PDE4D: variants seen among roughly 807,000 people sequenced by gnomAD.
The protein encoded by PDE4D is phosphodiesterase 4D.
PDE4D carries 24 observed loss-of-function variants against 87.4 expected under a neutral mutation model. That is an observed-to-expected ratio of 0.27 (90% CI 0.20 to 0.39). The LOEUF is 0.39. PDE4D is among the 10% of genes least tolerant of loss of function. PDE4D has a pLI of 1.00. For synonymous variants in PDE4D, 384 were observed against 383.2 expected, an observed-to-expected ratio of 1.00 and a Z score of -0.02; for missense variants, 714 against 1,041.0, an observed-to-expected ratio of 0.69 and a Z score of 4.32.
intron 1 of PDE4D, among the ~76,000 whole-genome samples, chr5:59,708,133 T>C (rs997684470): frequency 6.6e-6 from 1 of 152,180 alleles, no homozygotes; most frequent in Non-Finnish European, 1.5e-5. Flanking sequence ...GTTTCTTGAC[T>C]ATTTAATAAT....
intron 1 of PDE4D, among the ~76,000 whole-genome samples, chr5:59,270,510 C>A (rs1049716854): frequency 2.0e-5 from 3 of 152,048 alleles, no homozygotes; most frequent in Non-Finnish European, 4.4e-5. Context: ...GAGGCATTGG[C>A]CTTTTGTTCT....
intron 1 of PDE4D, among the ~76,000 whole-genome samples, chr5:60,463,643 A>G (rs1333567546): frequency 6.6e-6 from 1 of 152,226 alleles, no homozygotes. Context: ...AGAGCAGTAC[A>G]GGCTGAATTC....
Position 59,085,542 on chromosome 5 carries a change from A to G in PDE4D, c.809-46571T>C, listed in dbSNP as rs78176320. The stretch of plus-strand genomic sequence containing the variant: ...ATCCAGGTTGTTCATGGAATTTATC[A>G]TGCAAACAACTACCCTCTTGAGAGA... On this transcript the variant is annotated intron_variant, in intron 5 of 14. Transcript: ENST00000340635. 1.0e-2 allele frequency among the ~76,000 whole-genome samples: 1,520 copies of G among 152,306 alleles called. 32 individuals carry two copies. Among genetic ancestry groups the G allele is most frequent in the African/African-American group, 0.035 (1,443 of 41,558 alleles).
chr5:59,727,315 G>T (rs1006283990), intron 1 of PDE4D, among the ~76,000 whole-genome samples: 1 of 152,112 alleles, frequency 6.6e-6, no homozygotes, highest in African/African-American at 2.4e-5. Flanking sequence ...AATGAAAATA[G>T]ACAGTTGGTT....
intron 2 of PDE4D, among the ~76,000 whole-genome samples, chr5:60,134,476 G>C (rs534703276): frequency 6.6e-6 from 1 of 152,180 alleles, no homozygotes; most frequent in African/African-American, 2.4e-5. Flanking sequence ...CTACAGTCCA[G>C]CCTGGGTGAT....
At chr5:59,000,814 G>T (rs1292387180) in intron 6 of PDE4D, among the ~76,000 whole-genome samples, 1 of 151,856 alleles carries the variant, frequency 6.6e-6, no homozygotes, top group Non-Finnish European at 1.5e-5. Flanking sequence ...TCAGCCTCCC[G>T]AGAAGCTGGG....
intron 5 of PDE4D, among the ~76,000 whole-genome samples, chr5:59,155,793 C>T (rs1488349425): frequency 6.6e-6 from 1 of 152,038 alleles, no homozygotes; most frequent in Non-Finnish European, 1.5e-5. Context: ...AGAAGGGAAA[C>T]GTCATCCGCT....
chr5:59,187,743 C>T (rs1743248882), intron 3 of PDE4D, among the ~76,000 whole-genome samples: 1 of 151,940 alleles, frequency 6.6e-6, no homozygotes. Flanking sequence ...CTAGGCATGC[C>T]AGTATTAGAT....
At chr5:60,197,118 T>TAGAC (rs1554183848) in intron 1 of PDE4D, among the ~76,000 whole-genome samples, 29 of 150,256 alleles carry the variant, frequency 1.9e-4, no homozygotes, top group African/African-American at 7.1e-4. Context: ...GATAGATAGA[T>TAGAC]AGATAGATTA....
At chr5:59,007,234 A>G (rs1751805320) in intron 6 of PDE4D, among the ~76,000 whole-genome samples, 1 of 152,202 alleles carries the variant, frequency 6.6e-6, no homozygotes, top group South Asian at 2.1e-4. Flanking sequence ...ATTTTATCCT[A>G]TAATCAATCT....
intron 1 of PDE4D, among the ~76,000 whole-genome samples, chr5:59,467,191 C>G (rs1376562595): frequency 6.6e-6 from 1 of 152,178 alleles, no homozygotes; most frequent in Non-Finnish European, 1.5e-5. Context: ...AAATCAATTC[C>G]TACTATTTAC....
chr5:59,832,394 G>A (rs138506565), intron 1 of PDE4D, among the ~76,000 whole-genome samples: 22 of 152,160 alleles, frequency 1.4e-4, no homozygotes, highest in Non-Finnish European at 3.1e-4. Context: ...TGGAAAATGA[G>A]TCGTGATCAA....
chr5:59,900,817 A>G (rs1413351115), intron 3 of PDE4D, among the ~76,000 whole-genome samples: 1 of 152,198 alleles, frequency 6.6e-6, no homozygotes, highest in Admixed American at 6.5e-5. Context: ...ATCATGAAAG[A>G]GCTTGTCACT....
At chr5:59,228,438 A>AC in intron 1 of PDE4D, among the ~76,000 whole-genome samples, 1 of 116,022 alleles carries the variant, frequency 8.6e-6, no homozygotes, top group East Asian at 2.2e-4. Flanking sequence ...AACAACAACA[A>AC]CAAAAAAAAA....
intron 1 of PDE4D, among the ~76,000 whole-genome samples, chr5:59,676,524 C>T (rs1347605572): frequency 6.6e-6 from 1 of 152,120 alleles, no homozygotes; most frequent in African/African-American, 2.4e-5. Context: ...CAACAGAGAG[C>T]TTCTAAAAGC....
chr5:59,329,041 A>C (rs913203420), intron 1 of PDE4D, among the ~76,000 whole-genome samples: 4 of 152,276 alleles, frequency 2.6e-5, no homozygotes, highest in African/African-American at 9.6e-5. Flanking sequence ...CACCGACTGC[A>C]TCCTCCTTGC....
At chr5:59,131,140 G>C (rs1289810170) in intron 5 of PDE4D, among the ~76,000 whole-genome samples, 2 of 152,160 alleles carry the variant, frequency 1.3e-5, no homozygotes, top group Non-Finnish European at 2.9e-5. Context: ...GGCACAGGGG[G>C]AGTCCTTTTT....
intron 2 of PDE4D, among the ~76,000 whole-genome samples, chr5:60,050,011 C>T (rs1769894853): frequency 1.3e-5 from 2 of 152,204 alleles, no homozygotes; most frequent in Non-Finnish European, 2.9e-5. Context: ...TGCTAGCAAT[C>T]AGCGAGACTC....
At chr5:59,733,198 T>C (rs1360112951) in intron 1 of PDE4D, among the ~76,000 whole-genome samples, 2 of 152,114 alleles carry the variant, frequency 1.3e-5, no homozygotes, top group South Asian at 2.1e-4. Context: ...TCTTGAGGGA[T>C]GGATTTTTAT....
Sources: allele counts gnomAD v4.1 joint callset (sites outside exome capture counted in the v4.1 genomes callset), GRCh38; gene constraint gnomAD v4.1.1; transcripts MANE v1.5; gene names NCBI Gene and HGNC (gene_info 2026-07-23, HGNC 2026-07-21).